DYNC2H1: variants seen among roughly 807,000 people sequenced by gnomAD.
The protein encoded by DYNC2H1 is cytoplasmic dynein 2 heavy chain 1.
In DYNC2H1, 410 loss-of-function variants were observed where a neutral mutation model predicts 570.0. The observed-to-expected ratio is 0.72, with a 90% CI of 0.66 to 0.78. DYNC2H1 has a LOEUF of 0.78. Ranked by LOEUF, DYNC2H1 falls within the 30% of genes least tolerant of loss-of-function variation. DYNC2H1 has a pLI of 0.00. For missense variants in DYNC2H1, 4,865 were observed against 5,046.4 expected (o/e 0.96, Z 1.09); for synonymous variants, 1,688 against 1,677.6 (o/e 1.01, Z -0.15).
rs1867604292 is a variant in DYNC2H1 at position 103,311,877 on chromosome 11, G to C, written c.11494-1G>C. The C allele has an allele frequency of 1.9e-6, 3 of 1,598,524 alleles. No individual in the cohort carries two copies. The highest frequency in any genetic ancestry group is 1.7e-6 in the Non-Finnish European group (2 of 1,174,092). On this transcript the variant is annotated splice_acceptor_variant, in intron 78 of 88. Coordinates refer to ENST00000375735, the MANE Select transcript of DYNC2H1 (RefSeq NM_001377.3). LOFTEE classifies it high-confidence loss of function. ...AGGATGTCTGTTGATTTTTTTTCTA[G>C]TCACCTCCAGGTTTAAAGAAGAATT...
intron 10 of DYNC2H1, 142 bp downstream of exon 10, chr11:103,121,638 C>A: frequency 1.1e-6 from 1 of 932,812 alleles, no homozygotes; most frequent in Non-Finnish European, 1.5e-6. Flanking sequence ...AAATGCAGAA[C>A]ACTGAAAAAG....
Position 103,277,162 on chromosome 11 carries a change from T to C in DYNC2H1, c.10696-3186T>C, listed in dbSNP as rs1865945556. On this transcript the variant is annotated intron_variant, in intron 70 of 88. Coordinates refer to ENST00000375735, the MANE Select transcript of DYNC2H1 (RefSeq NM_001377.3). This position sits in a 1 kb window ranked among gnomAD's most constrained non-coding sequence, Gnocchi z 4.3. ...CTCTCCCCAACTTGTTACCCCCTTT[T>C]AGACCTTATATAACAGGTGTTAAAA... Among the ~76,000 whole-genome samples, 2 of 152,112 alleles carry C rather than the reference T, an allele frequency of 1.3e-5. No homozygotes were observed. Among genetic ancestry groups the C allele is most frequent in the African/African-American group, 2.4e-5 (1 of 41,452 alleles).
chr11:103,300,053 T>A (rs576684159), intron 75 of DYNC2H1, among the ~76,000 whole-genome samples: 1 of 152,188 alleles, frequency 6.6e-6, no homozygotes, highest in East Asian at 1.9e-4. Flanking sequence ...CATCTGATAC[T>A]TATCAGCTCT....
chr11:103,135,696 T>C, intron 16 of DYNC2H1, 24 bp from the exon 17 acceptor site: 1 of 1,604,720 alleles, frequency 6.2e-7, no homozygotes, highest in Non-Finnish European at 8.5e-7. Flanking sequence ...AATTTATGTT[T>C]TAAAGTTATT....
At chr11:103,231,158 G>A in intron 59 of DYNC2H1, 102 bp from the exon 60 acceptor site, 1 of 596,494 alleles carries the variant, frequency 1.7e-6, no homozygotes, top group Non-Finnish European at 2.8e-6. Context: ...CTGAGTTACT[G>A]ACAGTTTTAA....
intron 82 of DYNC2H1, among the ~76,000 whole-genome samples, chr11:103,347,149 A>G (rs1184520075): frequency 6.6e-6 from 1 of 152,204 alleles, no homozygotes; most frequent in East Asian, 1.9e-4. Flanking sequence ...TTAAATGACA[A>G]CACTGGAACC....
intron 45 of DYNC2H1, among the ~76,000 whole-genome samples, chr11:103,190,358 G>C (rs1260138332): frequency 2.0e-5 from 3 of 152,250 alleles, no homozygotes; most frequent in South Asian, 4.1e-4. Flanking sequence ...CTGAATGTTC[G>C]CAGTCTAATG....
At chr11:103,227,846 T>C (rs1446445847) in intron 59 of DYNC2H1, among the ~76,000 whole-genome samples, 1 of 152,218 alleles carries the variant, frequency 6.6e-6, no homozygotes, top group East Asian at 1.9e-4. Flanking sequence ...AGTAATTGTT[T>C]CATAAATTTG....
intron 11 of DYNC2H1, among the ~76,000 whole-genome samples, chr11:103,124,330 A>T (rs1858874945): frequency 6.6e-6 from 1 of 151,076 alleles, no homozygotes; most frequent in South Asian, 2.1e-4. Flanking sequence ...CTGTTGTCCC[A>T]GTTACTCAGG....
At chr11:103,438,505 T>C (rs1944140406) in intron 85 of DYNC2H1, among the ~76,000 whole-genome samples, 1 of 147,888 alleles carries the variant, frequency 6.8e-6, no homozygotes, top group Non-Finnish European at 1.5e-5. Context: ...ATGATCAGAC[T>C]CAATCCAAAC....
In DYNC2H1 at chr11:103,112,003, A is replaced by G. The variant is rs1286182112; in HGVS notation, c.196-1534A>G. ...ATGTAACATAATTTTGGGTATTGAT[A>G]AGTGCCGTTAAGATAAAAATAATGT... is the stretch of plus-strand genomic sequence containing the variant. On this transcript the variant is annotated intron_variant, in intron 1 of 88. Coordinates refer to ENST00000375735, the MANE Select transcript of DYNC2H1 (RefSeq NM_001377.3). Among the ~76,000 whole-genome samples, 4 of 152,340 alleles carry G rather than the reference A, an allele frequency of 2.6e-5. No homozygotes were observed. In the East Asian group the frequency reaches 7.7e-4, roughly 29 times the overall value.
intron 83 of DYNC2H1, among the ~76,000 whole-genome samples, chr11:103,398,869 A>G (rs1942503419): frequency 6.6e-6 from 1 of 152,126 alleles, no homozygotes; most frequent in Non-Finnish European, 1.5e-5. Flanking sequence ...ACTAAGATAT[A>G]ATGTTCACTG....
chr11:103,451,324 CTTTTTTTTTT>C (rs34032894), intron 85 of DYNC2H1, among the ~76,000 whole-genome samples: 25 of 71,030 alleles, frequency 3.5e-4, no homozygotes, highest in East Asian at 1.0e-3. Context: ...AGTAAAAGGG[CTTTTTTTTTT>C]TTTTTTTTTT....
At chr11:103,436,164 C>T (rs1944053070) in intron 85 of DYNC2H1, 132 bp downstream of exon 85, 1 of 684,034 alleles carries the variant, frequency 1.5e-6, no homozygotes, top group Non-Finnish European at 2.2e-6. Flanking sequence ...ATTCATTATT[C>T]TGCCATTTGT....
At chr11:103,223,840 C>G (rs889520037) in intron 59 of DYNC2H1, among the ~76,000 whole-genome samples, 1 of 151,294 alleles carries the variant, frequency 6.6e-6, no homozygotes, top group South Asian at 2.1e-4. Flanking sequence ...CTCCGCCTCC[C>G]GGGTTCAAGT....
Position 103,188,652 on chromosome 11 carries a change from T to C in DYNC2H1, c.7292+4T>C, listed in dbSNP as rs1390249998. 6.6e-7 allele frequency: 1 copy of C among 1,521,562 alleles called. No individual in the cohort carries two copies. Among genetic ancestry groups the C allele is most frequent in the East Asian group, 2.3e-5 (1 of 42,916 alleles). 94.3% of individuals were successfully genotyped at this position (1,521,562 alleles called of 1,614,324 possible). A position where few individuals can be genotyped will look rare whatever the true frequency, so the allele number is the denominator to read the frequency against. On this transcript the variant is annotated splice_donor_region_variant and intron_variant, in intron 44 of 88. Coordinates refer to ENST00000375735, the MANE Select transcript of DYNC2H1 (RefSeq NM_001377.3). Reference sequence around the variant, plus strand: ...TCGTTCGTCTTTGTTCTATAGAGTATGTATCTTTGTGTTTCAGATTTTTTA... The same window carrying C: ...TCGTTCGTCTTTGTTCTATAGAGTACGTATCTTTGTGTTTCAGATTTTTTA...
At chr11:103,435,213 C>T (rs1010585564) in intron 84 of DYNC2H1, among the ~76,000 whole-genome samples, 6 of 152,080 alleles carry the variant, frequency 3.9e-5, no homozygotes, top group African/African-American at 1.4e-4. Flanking sequence ...CCCATAGCAG[C>T]TTCTTAACTA....
chr11:103,187,619 A>G, intron 43 of DYNC2H1, 33 bp downstream of exon 43: 6 of 1,591,588 alleles, frequency 3.8e-6, no homozygotes, highest in Non-Finnish European at 5.1e-6. Flanking sequence ...TTTTAATCTA[A>G]TTGGAAACAA....
At chr11:103,144,052 A>T (rs1224360974) in intron 18 of DYNC2H1, among the ~76,000 whole-genome samples, 3 of 152,226 alleles carry the variant, frequency 2.0e-5, no homozygotes, top group African/African-American at 7.2e-5. Context: ...TTTGTGCTTT[A>T]GGAGTACAAA....
Sources: allele counts gnomAD v4.1 joint callset (sites outside exome capture counted in the v4.1 genomes callset), GRCh38; gene constraint gnomAD v4.1.1; non-coding constraint Gnocchi (gnomAD v3.1); transcripts MANE v1.5; gene names NCBI Gene and HGNC (gene_info 2026-07-23, HGNC 2026-07-21).